PLEKHO1: variants seen among roughly 807,000 people sequenced by gnomAD.
The protein encoded by PLEKHO1 is pleckstrin homology domain-containing family O member 1.
Under a neutral mutation model 41.4 loss-of-function variants are expected in PLEKHO1, and 22 were observed. The observed-to-expected ratio is 0.53, with a 90% confidence interval of 0.38 to 0.76. The LOEUF (loss-of-function observed/expected upper bound fraction) is 0.76. Among genes scored for constraint, PLEKHO1 ranks in the 30% least tolerant of loss-of-function variants. PLEKHO1 has a pLI of 0.00. For synonymous variants in PLEKHO1, 225 were observed against 210.8 expected, an observed-to-expected ratio of 1.07 and a Z score of -0.58; for missense variants, 488 against 518.3, an observed-to-expected ratio of 0.94 and a Z score of 0.57.
At position 150,159,425 on chromosome 1, in the gene PLEKHO1, G is replaced by T. The variant is rs1553821591; in HGVS notation, c.1132G>T (p.Glu378Ter). 1 of 1,614,004 alleles carries T rather than the reference G, an allele frequency of 6.2e-7. No homozygotes were observed. The highest frequency in any genetic ancestry group is 1.3e-5 in the African/African-American group (1 of 74,896). The change falls in exon 6 of 6, where the codon GAG (glutamate) becomes TAG (stop). Residue 378 changes from glutamate (E) to a stop codon, truncating the protein, a stop_gained. Coordinates refer to ENST00000369124, the MANE Select transcript of PLEKHO1 (RefSeq NM_016274.6). LOFTEE classifies it high-confidence loss of function. ...AAAGAGGGTGCTGCAGGAGGTCAGG[G>T]AGCTGAGAGACCTGTACAGACAGAT... The part of the protein sequence containing the change: ...QAKRVLQEVR[E>*]LRDLYRQMDL...
intron 2 of PLEKHO1, among the ~76,000 whole-genome samples, 166 bp downstream of exon 2, chr1:150,151,224 A>G (rs1397158703): frequency 6.6e-6 from 1 of 152,120 alleles, no homozygotes; most frequent in Non-Finnish European, 1.5e-5. Flanking sequence ...CTTTAATGAG[A>G]AGACCAGAGT....
Position 150,159,775 on chromosome 1 carries a change from G to T in PLEKHO1, c.*252G>T. On this transcript the variant is annotated 3_prime_UTR_variant, in exon 6 of 6. Coordinates refer to ENST00000369124, the MANE Select transcript of PLEKHO1 (RefSeq NM_016274.6). ...TTTTACCCAGCCAGAGAGAGAGAAG[G>T]CACGGTAAAGACACAGTCTGACCAC... 1 of 420,032 alleles carries T rather than the reference G, an allele frequency of 2.4e-6. No homozygotes were observed. The highest frequency in any genetic ancestry group is 4.3e-6 in the Non-Finnish European group (1 of 231,558). The allele number at this position is 420,032 out of a possible 1,614,324, so 26.0% of individuals were successfully genotyped here.
At chr1:150,155,456 A>G (rs587761615) in intron 2 of PLEKHO1, 1 of 152,500 alleles carries the variant, frequency 6.6e-6, no homozygotes, top group East Asian at 1.9e-4. Context: ...CAAACTGAAC[A>G]CGGGGCTGCC....
chr1:150,150,904 T>TG lies in PLEKHO1; in HGVS notation c.31-4dup, dbSNP rs782153941. 1 of 1,613,488 alleles carries TG rather than the reference T, an allele frequency of 6.2e-7. No individual in the cohort carries two copies. The highest frequency in any genetic ancestry group is 8.5e-7 in the Non-Finnish European group (1 of 1,179,442). The stretch of plus-strand genomic sequence containing the variant: ...TAACCGCCCGCTTCTCATCTTGTCC[T>TG]GGGGCAGGGACCTCAGGATGGAAAC... On this transcript the variant is annotated splice_region_variant and splice_polypyrimidine_tract_variant and intron_variant, in intron 1 of 5. Transcript: ENST00000369124.
chr1:150,159,175 C>G lies in PLEKHO1; in HGVS notation c.882C>G (p.Pro294=). 2 of 1,612,588 alleles carry G rather than the reference C, an allele frequency of 1.2e-6. No individual in the cohort carries two copies. Among genetic ancestry groups the G allele is most frequent in the Non-Finnish European group, 1.7e-6 (2 of 1,179,346 alleles). Residue 294 remains proline (P), a synonymous_variant, in exon 6 of 6, where the codon CCC becomes CCG. Coordinates refer to ENST00000369124, the MANE Select transcript of PLEKHO1 (RefSeq NM_016274.6). ...ARTLQLRAEE[P]PTPALPNPGQ... ...CCCTCCAGCTGCGGGCTGAGGAACCCCCAACCCCTGCCCTCCCCAACCCGG... is the reference window on the plus strand; with the variant it reads ...CCCTCCAGCTGCGGGCTGAGGAACCGCCAACCCCTGCCCTCCCCAACCCGG...
intron 2 of PLEKHO1, chr1:150,153,391 G>A (rs1571944583): frequency 6.6e-6 from 1 of 152,062 alleles, no homozygotes; most frequent in African/African-American, 2.4e-5. Context: ...GTCTCACTAT[G>A]TTTCCCAGGC....
At chr1:150,153,944 A>G (rs1660062856) in intron 2 of PLEKHO1, 1 of 152,052 alleles carries the variant, frequency 6.6e-6, no homozygotes, top group African/African-American at 2.4e-5. Flanking sequence ...GGTGGAGAAC[A>G]AGGCTGCTTG....
At chr1:150,150,794 C>A (rs587701293) in intron 1 of PLEKHO1, 118 bp from the exon 2 acceptor site, 2 of 914,728 alleles carry the variant, frequency 2.2e-6, no homozygotes, top group African/African-American at 3.4e-5. Flanking sequence ...GGCCCCCCGC[C>A]CCCCGGCCGC....
Position 150,150,331 on chromosome 1 carries a change from T to TCCGACGACCCCCG in PLEKHO1, c.30+45_30+46insCGACGACCCCCGC, listed in dbSNP as rs782075494. On this transcript the variant is annotated intron_variant, in intron 1 of 5. Transcript: ENST00000369124. Reference sequence around the variant, plus strand: ...CCTGCGGCCGCCGCCGCCTCCGCGCTCTGACGACCCCCGCTCCGTCGGCGC... The same window carrying TCCGACGACCCCCG: ...CCTGCGGCCGCCGCCGCCTCCGCGCTCCGACGACCCCCGCTGACGACCCCCGCTCCGTCGGCGC... 3,797 of 976,762 alleles carry TCCGACGACCCCCG rather than the reference T, an allele frequency of 3.9e-3. 98 individuals carry two copies. The African/African-American group carries it at 0.054, about 14-fold the overall frequency. 60.5% of individuals were successfully genotyped at this position (976,762 alleles called of 1,614,324 possible). A position where few individuals can be genotyped will look rare whatever the true frequency, so the allele number is the denominator to read the frequency against.
Position 150,159,204 on chromosome 1 carries a change from A to G in PLEKHO1, c.911A>G (p.Gln304Arg), listed in dbSNP as rs782593823. ...ACCCCTGCCCTCCCCAACCCGGGGCAGCTGTCCCGGATCCAGGACCTGGTA... is the reference window on the plus strand; with the variant it reads ...ACCCCTGCCCTCCCCAACCCGGGGCGGCTGTCCCGGATCCAGGACCTGGTA... ...PPTPALPNPG[Q>R]LSRIQDLVAR... is the part of the protein sequence containing the mutation. The change falls in exon 6 of 6, where the codon CAG (glutamine) becomes CGG (arginine). Residue 304 changes from glutamine (Q) to arginine (R), a missense_variant. Physicochemically the swap from Gln to Arg is conservative, Grantham distance 43. Coordinates refer to ENST00000369124, the MANE Select transcript of PLEKHO1 (RefSeq NM_016274.6). The G allele has an allele frequency of 6.2e-7, 1 of 1,614,010 alleles. No homozygotes were observed. The highest frequency in any genetic ancestry group is 8.5e-7 in the Non-Finnish European group (1 of 1,179,932).
At chr1:150,157,627 T>C in intron 5 of PLEKHO1, 141 bp downstream of exon 5, 1 of 609,536 alleles carries the variant, frequency 1.6e-6, no homozygotes. Context: ...TTCCACCCAA[T>C]GCCTCTGCCA....
intron 2 of PLEKHO1, chr1:150,155,408 C>G (rs1442917203): frequency 3.9e-5 from 6 of 152,260 alleles, no homozygotes; most frequent in African/African-American, 1.2e-4. Flanking sequence ...AGGGTAGGAA[C>G]TGTAATTGTA....
At chr1:150,150,356 CCGCGGCGG>C (rs1659844398) in intron 1 of PLEKHO1, 69 bp downstream of exon 1, 1 of 798,116 alleles carries the variant, frequency 1.3e-6, no homozygotes, top group African/African-American at 1.9e-5. Flanking sequence ...TCCGTCGGCG[CCGCGGCGG>C]CCTGGGAGAC....
chr1:150,158,388 C>G (rs868917580), intron 5 of PLEKHO1, among the ~76,000 whole-genome samples: 6 of 152,120 alleles, frequency 3.9e-5, no homozygotes, highest in Admixed American at 6.6e-5. Context: ...AGGGTTCAGT[C>G]AAGAGCAGAG....
At chr1:150,158,788 G>T (rs34773647) in intron 5 of PLEKHO1, 31 bp from the exon 6 acceptor site, 220,037 of 1,473,404 alleles carry the variant, frequency 0.15, 18,094 homozygotes, top group Non-Finnish European at 0.17. Context: ...CTGATGACAG[G>T]TTCCCCACTC....
At chr1:150,153,628 T>C (rs1338401975) in intron 2 of PLEKHO1, 1 of 152,200 alleles carries the variant, frequency 6.6e-6, no homozygotes, top group Non-Finnish European at 1.5e-5. Context: ...CACAACCACC[T>C]CTGCCGTAGA....
chr1:150,150,935 G>A lies in PLEKHO1; in HGVS notation c.54G>A (p.Gln18=). 1 of 1,614,140 alleles carries A rather than the reference G, an allele frequency of 6.2e-7. No homozygotes were observed. The highest frequency in any genetic ancestry group is 8.5e-7 in the Non-Finnish European group (1 of 1,179,938). ...AKRGPQDGNQ[Q]PAPPEKVGWV... is the part of the protein sequence containing the mutation. ...AGGGACCTCAGGATGGAAACCAGCAGCCTGCACCGCCCGAGAAGGTCGGCT... is the reference window on the plus strand; with the variant it reads ...AGGGACCTCAGGATGGAAACCAGCAACCTGCACCGCCCGAGAAGGTCGGCT... Residue 18 remains glutamine (Q), a synonymous_variant, in exon 2 of 6, where the codon CAG becomes CAA. Coordinates refer to ENST00000369124, the MANE Select transcript of PLEKHO1 (RefSeq NM_016274.6).
intron 2 of PLEKHO1, 152 bp from the exon 3 acceptor site, chr1:150,155,914 C>T: frequency 3.0e-6 from 2 of 677,594 alleles, no homozygotes; most frequent in Non-Finnish European, 5.2e-6. Context: ...GATGTGAGGA[C>T]CTTGTAGGCT....
rs782507063 is a variant in PLEKHO1 at position 150,156,866 on chromosome 1, A to G, written c.319-45A>G. ...TATTTCTTCATTGTCAAGGTGAGGC[A>G]CCACCTCTAAAACCCTGGCTGAAAC... On this transcript the variant is annotated intron_variant, in intron 3 of 5. Transcript: ENST00000369124. The G allele has an allele frequency of 3.7e-6, 4 of 1,087,522 alleles. No individual in the cohort carries two copies. The East Asian group carries it at 9.4e-5, about 26-fold the overall frequency. The allele number at this position is 1,087,522 out of a possible 1,614,324, so 67.4% of individuals were successfully genotyped here.
Sources: gnomAD v4.1 joint callset for allele counts (sites outside exome capture counted in the v4.1 genomes callset) on GRCh38, gnomAD v4.1.1 for gene constraint, MANE v1.5 for transcripts, NCBI Gene and HGNC (gene_info 2026-07-23, HGNC 2026-07-21) for gene names.